DENND1B: variants seen among roughly 807,000 people sequenced by gnomAD.
DENND1B encodes the protein DENN domain containing 1B.
In DENND1B, 59 loss-of-function variants were observed where a neutral mutation model predicts 90.1. The ratio of observed to expected loss-of-function variants is 0.65; its 90% CI spans 0.53 to 0.81. The LOEUF is 0.81. DENND1B is among the 40% of genes least tolerant of loss of function. DENND1B has a pLI of 0.00. For missense variants in DENND1B, 862 were observed against 912.6 expected (o/e 0.94, Z 0.71); for synonymous variants, 337 against 324.6 (o/e 1.04, Z -0.41).
At chr1:197,611,125 T>C (rs576194533) in intron 12 of DENND1B, among the ~76,000 whole-genome samples, 1 of 150,964 alleles carries the variant, frequency 6.6e-6, no homozygotes, top group South Asian at 2.1e-4. Flanking sequence ...AGGTTGCTTA[T>C]TAGAAACTGG....
intron 2 of DENND1B, among the ~76,000 whole-genome samples, chr1:197,740,886 C>A (rs144307178): frequency 6.6e-6 from 1 of 152,282 alleles, no homozygotes; most frequent in Non-Finnish European, 1.5e-5. Flanking sequence ...TTGTCACATT[C>A]ACTTGCTTTC....
chr1:197,702,051 G>C (rs1659087022), intron 3 of DENND1B, among the ~76,000 whole-genome samples: 1 of 152,058 alleles, frequency 6.6e-6, no homozygotes, highest in African/African-American at 2.4e-5. Flanking sequence ...TATCTCTGGA[G>C]TCTATCAATA....
At chr1:197,642,147 A>G (rs1263742986) in intron 10 of DENND1B, among the ~76,000 whole-genome samples, 1 of 152,142 alleles carries the variant, frequency 6.6e-6, no homozygotes, top group Non-Finnish European at 1.5e-5. Context: ...CCATATTAAT[A>G]AAGACCTTCC....
intron 11 of DENND1B, among the ~76,000 whole-genome samples, chr1:197,612,363 G>C (rs4915556): frequency 0.98 from 147,547 of 150,506 alleles, 72,395 homozygotes; most frequent in East Asian, 1. Flanking sequence ...ATTAACATCC[G>C]TTTTGCACAT....
intron 14 of DENND1B, among the ~76,000 whole-genome samples, chr1:197,594,174 G>C (rs755812065): frequency 6.6e-6 from 1 of 152,040 alleles, no homozygotes. Context: ...AAATAGCAGC[G>C]GATCTGCCCA....
At chr1:197,642,581 C>T (rs1028920150) in intron 10 of DENND1B, 130 bp downstream of exon 10, 1 of 552,394 alleles carries the variant, frequency 1.8e-6, no homozygotes, top group Non-Finnish European at 3.1e-6. Flanking sequence ...AGATTAAAAC[C>T]ATACATCAAA....
intron 20 of DENND1B, among the ~76,000 whole-genome samples, chr1:197,528,068 A>G (rs1389862861): frequency 6.6e-6 from 1 of 152,220 alleles, no homozygotes; most frequent in Non-Finnish European, 1.5e-5. Context: ...ATACAATACT[A>G]TAAACCACAC....
intron 3 of DENND1B, among the ~76,000 whole-genome samples, chr1:197,697,789 C>G (rs1316474260): frequency 2.6e-5 from 4 of 151,898 alleles, no homozygotes; most frequent in Non-Finnish European, 5.9e-5. Flanking sequence ...ACAAAATAGA[C>G]TTTAAACCAA....
In DENND1B at chr1:197,505,863, A is replaced by AT. The variant is rs1410963456; in HGVS notation, c.*4596dup. On this transcript the variant is annotated 3_prime_UTR_variant, in exon 23 of 23. Coordinates refer to ENST00000620048, the MANE Select transcript of DENND1B (RefSeq NM_001195215.2). ...TGGTGCAGAACTGAGTATCTGTTAA[A>AT]TGTACACATGTAGAATCAGCAATTT... 2 of 151,672 alleles carry AT rather than the reference A, an allele frequency of 1.3e-5. No homozygotes were observed. Among genetic ancestry groups the AT allele is most frequent in the African/African-American group, 4.8e-5 (2 of 41,406 alleles). 9.4% of individuals were successfully genotyped at this position (151,672 alleles called of 1,614,324 possible).
intron 14 of DENND1B, among the ~76,000 whole-genome samples, chr1:197,588,038 A>C (rs1037665799): frequency 6.6e-6 from 1 of 152,100 alleles, no homozygotes; most frequent in Non-Finnish European, 1.5e-5. Context: ...AGCGGCTGTA[A>C]ATACAGATGA....
chr1:197,508,810 G>C lies in DENND1B; in HGVS notation c.*1650C>G, dbSNP rs1165673564. On this transcript the variant is annotated 3_prime_UTR_variant, in exon 23 of 23. Transcript: ENST00000620048. ...ACTATCACTGCTTTTTTCCCTGATT[G>C]TGCCTGGTAATCTAGTCTATCATGA... 1 of 151,600 alleles carries C rather than the reference G, an allele frequency of 6.6e-6. No homozygotes were observed. The highest frequency in any genetic ancestry group is 1.5e-5 in the Non-Finnish European group (1 of 67,762). 9.4% of individuals were successfully genotyped at this position (151,600 alleles called of 1,614,324 possible).
intron 3 of DENND1B, chr1:197,689,938 A>G (rs1042527282): frequency 2.0e-5 from 3 of 153,424 alleles, no homozygotes; most frequent in African/African-American, 7.2e-5. Context: ...CAGTGAAACC[A>G]TGCTGCTTAA....
intron 2 of DENND1B, among the ~76,000 whole-genome samples, chr1:197,754,212 TAC>T (rs1653958083): frequency 6.6e-6 from 1 of 152,118 alleles, no homozygotes. Flanking sequence ...AGAACTGTGG[TAC>T]ACAGAGGCTC....
intron 20 of DENND1B, among the ~76,000 whole-genome samples, chr1:197,515,419 A>G (rs1020813265): frequency 1.1e-4 from 16 of 151,784 alleles, no homozygotes; most frequent in African/African-American, 3.9e-4. Context: ...CATTTCATGT[A>G]CTCTCTCCAA....
chr1:197,674,326 A>G (rs185191318), intron 3 of DENND1B, among the ~76,000 whole-genome samples, 157 bp from the exon 4 acceptor site: 16 of 152,332 alleles, frequency 1.1e-4, no homozygotes, highest in African/African-American at 3.1e-4. Flanking sequence ...TGATTATTAA[A>G]AAGGAATTAA....
chr1:197,683,351 T>C (rs1656889459), intron 3 of DENND1B, among the ~76,000 whole-genome samples: 1 of 152,148 alleles, frequency 6.6e-6, no homozygotes, highest in Non-Finnish European at 1.5e-5. Flanking sequence ...GGACTTCAAT[T>C]TTAGCAAGAT....
intron 5 of DENND1B, among the ~76,000 whole-genome samples, chr1:197,669,131 T>C (rs1655234195): frequency 1.3e-5 from 2 of 152,312 alleles, no homozygotes; most frequent in East Asian, 3.9e-4. Context: ...TGTAAATATA[T>C]TTCCACCAGT....
At chr1:197,580,258 ATTTTT>A (rs36028786) in intron 15 of DENND1B, among the ~76,000 whole-genome samples, 1 of 113,186 alleles carries the variant, frequency 8.8e-6, no homozygotes, top group Admixed American at 9.5e-5. Context: ...CGCCCAGCTA[ATTTTT>A]TTTTTTTTTT....
At chr1:197,738,530 T>C (rs1447861323) in intron 2 of DENND1B, among the ~76,000 whole-genome samples, 1 of 152,216 alleles carries the variant, frequency 6.6e-6, no homozygotes, top group East Asian at 1.9e-4. Context: ...AAACACAACA[T>C]GGAAGATGCT....
Sources: gnomAD v4.1 joint callset for allele counts (sites outside exome capture counted in the v4.1 genomes callset) on GRCh38, gnomAD v4.1.1 for gene constraint, MANE v1.5 for transcripts, NCBI Gene and HGNC (gene_info 2026-07-23, HGNC 2026-07-21) for gene names.